Variants in GSTZ1 observed in about 807,000 individuals in gnomAD.
The protein encoded by GSTZ1 is maleylacetoacetate isomerase.
A neutral mutation model predicts 35.9 loss-of-function variants in GSTZ1; 34 were observed. That is an observed-to-expected ratio of 0.95 (90% CI 0.72 to 1.26). The LOEUF (loss-of-function observed/expected upper bound fraction) is 1.26. Ranked by LOEUF, GSTZ1 falls within the 50% of genes most tolerant of loss-of-function variation. The probability of loss-of-function intolerance (pLI) is 0.00; values close to 1 mark genes in which losing one functional copy is unlikely to be tolerated. For synonymous variants in GSTZ1, 93 were observed against 101.2 expected (o/e 0.92, Z 0.49); for missense variants, 263 against 271.7 (o/e 0.97, Z 0.23).
chr14:77,329,617 G>C, intron 6 of GSTZ1, 138 bp from the exon 7 acceptor site: 1 of 719,910 alleles, frequency 1.4e-6, no homozygotes, highest in Non-Finnish European at 2.5e-6. Flanking sequence ...AGACCTGGCT[G>C]CCACATTCTC....
At chr14:77,325,524 A>G (rs1308483033) in intron 2 of GSTZ1, 1 of 152,756 alleles carries the variant, frequency 6.5e-6, no homozygotes, top group Non-Finnish European at 1.5e-5. Context: ...TCCCCATTGT[A>G]TAGAGGAGGA....
At chr14:77,327,086 C>A in intron 3 of GSTZ1, 181 bp downstream of exon 3, 1 of 616,138 alleles carries the variant, frequency 1.6e-6, no homozygotes, top group Non-Finnish European at 2.9e-6. Flanking sequence ...TAGCAGGAGG[C>A]CTGGGAAGGG....
chr14:77,324,716 T>G, intron 1 of GSTZ1, 154 bp from the exon 2 acceptor site: 1 of 1,163,620 alleles, frequency 8.6e-7, no homozygotes, highest in Non-Finnish European at 1.3e-6. Context: ...AGGGACCTCA[T>G]GAGCCTCTCA....
At position 77,327,570 on chromosome 14, in the gene GSTZ1, G is replaced by A. The variant is rs1209461239; in HGVS notation, c.216+18G>A. On this transcript the variant is annotated intron_variant, in intron 4 of 8. Coordinates refer to ENST00000216465, the MANE Select transcript of GSTZ1 (RefSeq NM_145870.3). ...ACCAGTCAGTGAGTGCAGGGCCTGG[G>A]GGAGGGCCCTCATGAGAGCAGTGCC... 1 of 1,530,892 alleles carries A rather than the reference G, an allele frequency of 6.5e-7. No individual in the cohort carries two copies. The highest frequency in any genetic ancestry group is 9.0e-7 in the Non-Finnish European group (1 of 1,109,908). The allele number at this position is 1,530,892 out of a possible 1,614,324, so 94.8% of individuals were successfully genotyped here.
rs773076560 is a variant in GSTZ1 at position 77,329,780 on chromosome 14, A to C, written c.447A>C (p.Thr149=). 1 of 1,613,938 alleles carries C rather than the reference A, an allele frequency of 6.2e-7. No homozygotes were observed. Residue 149 remains threonine, a synonymous_variant, in exon 7 of 9, where the codon ACA becomes ACC. Transcript: ENST00000216465. The stretch of plus-strand genomic sequence containing the variant: ...CCCTGGAGCAGATCCTACAGAGCAC[A>C]GCGGGCATATACTGTGTAGGAGACG... The part of the protein sequence containing the change: ...FNALEQILQS[T]AGIYCVGDEV...
intron 1 of GSTZ1, 88 bp from the exon 2 acceptor site, chr14:77,324,782 G>A: frequency 2.2e-6 from 3 of 1,349,118 alleles, no homozygotes. Flanking sequence ...GAGGAGGCCT[G>A]GCAGGACAGG....
Position 77,329,893 on chromosome 14 carries a change from A to T in GSTZ1, c.474+86A>T, listed in dbSNP as rs1025398751. On this transcript the variant is annotated intron_variant, in intron 7 of 8. Coordinates refer to ENST00000216465, the MANE Select transcript of GSTZ1 (RefSeq NM_145870.3). ...TCCCTCAAGCTCAGAGCTTCCTGAG[A>T]AGGCGTCTGCAGGGGGATCTCTGTG... 1.6e-5 allele frequency: 16 copies of T among 1,010,276 alleles called. No individual in the cohort carries two copies. The African/African-American group carries it at 2.4e-4, about 15-fold the overall frequency. The allele number at this position is 1,010,276 out of a possible 1,614,324, so 62.6% of individuals were successfully genotyped here.
At chr14:77,330,784 C>G (rs967707732) in intron 8 of GSTZ1, among the ~76,000 whole-genome samples, 2 of 152,152 alleles carry the variant, frequency 1.3e-5, no homozygotes, top group African/African-American at 4.8e-5. Context: ...TTCCCTGCCC[C>G]CAAGAAGCTT....
chr14:77,324,700 G>T, intron 1 of GSTZ1, 170 bp from the exon 2 acceptor site: 1 of 1,220,598 alleles, frequency 8.2e-7, no homozygotes, highest in Non-Finnish European at 1.2e-6. Flanking sequence ...CATAATTTTG[G>T]AGCCAAGGGA....
chr14:77,324,634 ACT>A lies in GSTZ1; in HGVS notation c.16-232_16-231del, dbSNP rs1448031952. The A allele has an allele frequency of 5.2e-6, 8 of 1,525,790 alleles. No homozygotes were observed. In the South Asian group the frequency reaches 9.5e-5, roughly 18 times the overall value. The allele number at this position is 1,525,790 out of a possible 1,614,324, so 94.5% of individuals were successfully genotyped here. A position where few individuals can be genotyped will look rare whatever the true frequency, so the allele number is the denominator to read the frequency against. The stretch of plus-strand genomic sequence containing the variant: ...CAGAGTCTGGCAAGGTATGGAAGGC[ACT>A]CTCAGGCTAGCTGCCCCTTTGGGGG... On this transcript the variant is annotated intron_variant, in intron 1 of 8. Coordinates refer to ENST00000216465, the MANE Select transcript of GSTZ1 (RefSeq NM_145870.3).
Position 77,330,313 on chromosome 14 carries a change from A to C in GSTZ1, c.478A>C (p.Thr160Pro). Residue 160 changes from threonine to proline, a missense_variant, in exon 8 of 9, where the codon ACC becomes CCC. Thr to Pro is a conservative substitution (Grantham distance 38, BLOSUM62 -1). Transcript: ENST00000216465. The stretch of plus-strand genomic sequence containing the variant: ...AACCCACCGGGACCTCTTTCAGGTG[A>C]CCATGGCTGATCTGTGCTTGGTGCC... The part of the protein sequence containing the change: ...AGIYCVGDEV[T>P]MADLCLVPQV... The C allele has an allele frequency of 6.2e-7, 1 of 1,613,354 alleles. No homozygotes were observed. The highest frequency in any genetic ancestry group is 8.5e-7 in the Non-Finnish European group (1 of 1,179,282).
intron 1 of GSTZ1, chr14:77,324,568 G>A (rs1369327005): frequency 2.6e-6 from 4 of 1,530,074 alleles, no homozygotes; most frequent in African/African-American, 2.7e-5. Context: ...GTGCCAGAGG[G>A]GACATTTCCT....
chr14:77,324,967 C>T, intron 2 of GSTZ1, 46 bp downstream of exon 2: 6 of 1,525,626 alleles, frequency 3.9e-6, no homozygotes, highest in Non-Finnish European at 4.5e-6. Context: ...GTGGGGTGGA[C>T]TGGGGCGGAT....
At chr14:77,329,719 C>T (rs763901728) in intron 6 of GSTZ1, 36 bp from the exon 7 acceptor site, 27 of 1,566,794 alleles carry the variant, frequency 1.7e-5, no homozygotes, top group Non-Finnish European at 2.0e-5. Context: ...CCCCTCCCTG[C>T]GCCCAGAATA....
In GSTZ1 at chr14:77,321,190, G is replaced by A; in HGVS notation, c.15+7G>A. 3 of 1,482,808 alleles carry A rather than the reference G, an allele frequency of 2.0e-6. No individual in the cohort carries two copies. The highest frequency in any genetic ancestry group is 2.7e-6 in the Non-Finnish European group (3 of 1,108,998). 91.9% of individuals were successfully genotyped at this position (1,482,808 alleles called of 1,614,324 possible). ...CCAGATGCAGGCGGGGAAGGTCTGTGACGCGCACCCGGGTGGAGGGAAGCT... is the reference window on the plus strand; with the variant it reads ...CCAGATGCAGGCGGGGAAGGTCTGTAACGCGCACCCGGGTGGAGGGAAGCT... On this transcript the variant is annotated splice_region_variant and intron_variant, in intron 1 of 8. Coordinates refer to ENST00000216465, the MANE Select transcript of GSTZ1 (RefSeq NM_145870.3).
intron 5 of GSTZ1, chr14:77,328,899 T>C (rs1892469352): frequency 1.7e-6 from 1 of 584,280 alleles, no homozygotes; most frequent in South Asian, 2.0e-5. Flanking sequence ...TCACGTGGCT[T>C]TTTGAGGCCA....
At chr14:77,321,567 A>G in intron 1 of GSTZ1, 2 of 1,222,772 alleles carry the variant, frequency 1.6e-6, no homozygotes, top group South Asian at 3.1e-5. Flanking sequence ...GCAGGAGGTG[A>G]CCTTCCAGTA....
chr14:77,330,271 G>T (rs200049934), intron 7 of GSTZ1, 39 bp from the exon 8 acceptor site: 4 of 1,476,430 alleles, frequency 2.7e-6, no homozygotes, highest in East Asian at 2.3e-5. Context: ...TGACTCTGGG[G>T]TATGCACCCT....
intron 2 of GSTZ1, chr14:77,325,210 C>A (rs1011805818): frequency 2.5e-6 from 1 of 401,172 alleles, no homozygotes; most frequent in Non-Finnish European, 4.7e-6. Context: ...AGCAGGGTCA[C>A]AAAATCCACA....
Sources: gnomAD v4.1 joint callset for allele counts (sites outside exome capture counted in the v4.1 genomes callset) on GRCh38, gnomAD v4.1.1 for gene constraint, MANE v1.5 for transcripts, NCBI Gene and HGNC (gene_info 2026-07-23, HGNC 2026-07-21) for gene names.